The following CNTN4 variants were observed in gnomAD, a reference collection of about 807,000 sequenced individuals.
The protein encoded by CNTN4 is contactin 4, also known as contactin-4.
A neutral mutation model predicts 122.5 loss-of-function variants in CNTN4; 77 were observed. The observed-to-expected ratio is 0.63, with a 90% CI of 0.52 to 0.76. CNTN4 has a LOEUF of 0.76. CNTN4 is among the 30% of genes least tolerant of loss of function. CNTN4 has a pLI of 0.00. For missense variants in CNTN4, 1,256 were observed against 1,259.1 expected (o/e 1.00, Z 0.04); for synonymous variants, 512 against 447.0 (o/e 1.15, Z -1.83).
At chr3:2,639,593 AG>A (rs1412613442) in intron 4 of CNTN4, among the ~76,000 whole-genome samples, 5 of 152,222 alleles carry the variant, frequency 3.3e-5, no homozygotes, top group African/African-American at 1.2e-4. Flanking sequence ...AAATTCTTCA[AG>A]GGCATGCATC....
At chr3:3,046,680 A>G (rs1700695854) in intron 23 of CNTN4, among the ~76,000 whole-genome samples, 1 of 152,178 alleles carries the variant, frequency 6.6e-6, no homozygotes, top group Non-Finnish European at 1.5e-5. Flanking sequence ...AAACATGCCA[A>G]ATTGTAAAGA....
chr3:2,398,130 G>A (rs1277227380), intron 3 of CNTN4, among the ~76,000 whole-genome samples: 1 of 152,058 alleles, frequency 6.6e-6, no homozygotes, highest in Non-Finnish European at 1.5e-5. Flanking sequence ...TTAGGCCTGA[G>A]AGGCAAAGGT....
intron 2 of CNTN4, among the ~76,000 whole-genome samples, chr3:2,134,812 C>G (rs1292286773): frequency 6.6e-6 from 1 of 152,174 alleles, no homozygotes; most frequent in South Asian, 2.1e-4. Flanking sequence ...GGAGTTTTCT[C>G]TTACTCAGCT....
chr3:2,445,526 A>G (rs771591426), intron 3 of CNTN4, among the ~76,000 whole-genome samples: 1 of 152,164 alleles, frequency 6.6e-6, no homozygotes, highest in Non-Finnish European at 1.5e-5. Context: ...AACATTTTAT[A>G]TTGCTAAGTA....
At chr3:2,381,789 C>G (rs901336176) in intron 3 of CNTN4, among the ~76,000 whole-genome samples, 2 of 151,926 alleles carry the variant, frequency 1.3e-5, no homozygotes, top group African/African-American at 4.8e-5. Flanking sequence ...TAAAATATTG[C>G]ATATTTTAAA....
At chr3:3,004,992 C>G (rs1696472888) in intron 14 of CNTN4, among the ~76,000 whole-genome samples, 1 of 152,248 alleles carries the variant, frequency 6.6e-6, no homozygotes, top group African/African-American at 2.4e-5. Flanking sequence ...CTGATGATCT[C>G]TGAATCACCT....
intron 2 of CNTN4, among the ~76,000 whole-genome samples, chr3:2,274,277 G>A (rs568579086): frequency 6.6e-6 from 1 of 152,206 alleles, no homozygotes; most frequent in African/African-American, 2.4e-5. Context: ...CAGCTACTCG[G>A]GAGACTGAGG....
intron 23 of CNTN4, among the ~76,000 whole-genome samples, chr3:3,044,747 T>C (rs1700468182): frequency 6.6e-6 from 1 of 152,188 alleles, no homozygotes; most frequent in Non-Finnish European, 1.5e-5. Flanking sequence ...CAATGGGGCT[T>C]GTCGGACAGT....
rs1007352826 is a variant in CNTN4, at chr3:2,138,002, A to G, written c.-145+37363A>G. On this transcript the variant is annotated intron_variant, in intron 2 of 24. Transcript: ENST00000418658. ...AACCAAGCTGCAAAGAGGCTGGGAA[A>G]GTAAGTAGTCGGCTCTTTCAGCTTC... is the stretch of plus-strand genomic sequence containing the variant. Among the ~76,000 whole-genome samples, 7 of 152,280 alleles carry G rather than the reference A, an allele frequency of 4.6e-5. No individual in the cohort carries two copies. In the East Asian group the frequency reaches 1.4e-3, roughly 29 times the overall value.
At chr3:2,789,982 T>A (rs977979520) in intron 6 of CNTN4, among the ~76,000 whole-genome samples, 5 of 152,172 alleles carry the variant, frequency 3.3e-5, no homozygotes, top group Admixed American at 1.3e-4. Flanking sequence ...GAAGGTACAA[T>A]TAGTAATAAT....
In CNTN4 at chr3:3,038,925, T is replaced by G; in HGVS notation, c.2093-8T>G. The stretch of plus-strand genomic sequence containing the variant: ...CTGACATAACTTGTTTTTTGTCTCC[T>G]TGTGCAGTCCCCGAAGTCACACCAG... On this transcript the variant is annotated splice_polypyrimidine_tract_variant and splice_region_variant and intron_variant, in intron 18 of 24. Coordinates refer to ENST00000418658, the MANE Select transcript of CNTN4 (RefSeq NM_175607.3). 1 of 1,613,988 alleles carries G rather than the reference T, an allele frequency of 6.2e-7. No individual in the cohort carries two copies. Among genetic ancestry groups the G allele is most frequent in the East Asian group, 2.2e-5 (1 of 44,872 alleles).
At chr3:2,630,841 T>G (rs2082400923) in intron 4 of CNTN4, among the ~76,000 whole-genome samples, 1 of 152,158 alleles carries the variant, frequency 6.6e-6, no homozygotes, top group African/African-American at 2.4e-5. Flanking sequence ...ACAGAAGTCT[T>G]CTTAGCTTTA....
chr3:2,191,832 A>C (rs1449030121), intron 2 of CNTN4, among the ~76,000 whole-genome samples: 2 of 151,784 alleles, frequency 1.3e-5, no homozygotes, highest in Non-Finnish European at 2.9e-5. Context: ...TGCACCCATT[A>C]ACTTGTCATT....
rs193296489 is a variant in CNTN4 at position 2,721,026 on chromosome 3, G to C, written c.56-15189G>C. The stretch of plus-strand genomic sequence containing the variant: ...CTTGCTCTGTTGACCAGGCTGGAGT[G>C]CAGTGGCATGATCTCGGCTCACTGC... On this transcript the variant is annotated intron_variant, in intron 4 of 24. Coordinates refer to ENST00000418658, the MANE Select transcript of CNTN4 (RefSeq NM_175607.3). Among the ~76,000 whole-genome samples the C allele has an allele frequency of 8.9e-3, 1,353 of 152,280 alleles. 10 individuals are homozygous for C. The highest frequency in any genetic ancestry group is 0.031 in the African/African-American group (1,288 of 41,552).
chr3:2,675,736 T>A (rs1424124822), intron 4 of CNTN4, among the ~76,000 whole-genome samples: 2 of 152,144 alleles, frequency 1.3e-5, no homozygotes, highest in Non-Finnish European at 1.5e-5. Context: ...GGGACCCAGG[T>A]CTTGAGAGCA....
intron 2 of CNTN4, among the ~76,000 whole-genome samples, chr3:2,255,344 T>C (rs1202690962): frequency 6.6e-6 from 1 of 152,106 alleles, no homozygotes; most frequent in Non-Finnish European, 1.5e-5. Flanking sequence ...TGTGAGACTT[T>C]AACACCCCAC....
intron 3 of CNTN4, among the ~76,000 whole-genome samples, chr3:2,435,280 CAAGTCCCTTATATAAA>C (rs1243809822): frequency 6.6e-6 from 1 of 152,136 alleles, no homozygotes; most frequent in Non-Finnish European, 1.5e-5. Flanking sequence ...CATGGATGCT[CAAGTCCCTTATATAAA>C]ATGGCATAGT....
At chr3:2,890,185 G>T (rs1381215946) in intron 10 of CNTN4, among the ~76,000 whole-genome samples, 1 of 152,164 alleles carries the variant, frequency 6.6e-6, no homozygotes, top group Non-Finnish European at 1.5e-5. Flanking sequence ...TAGCACATCA[G>T]TGACAAAAAT....
chr3:2,781,295 C>A (rs1289408787), intron 6 of CNTN4, among the ~76,000 whole-genome samples: 1 of 152,082 alleles, frequency 6.6e-6, no homozygotes. Context: ...GGCCATCTTG[C>A]AGGTTTATCA....
Sources: allele counts gnomAD v4.1 joint callset (sites outside exome capture counted in the v4.1 genomes callset), GRCh38; gene constraint gnomAD v4.1.1; transcripts MANE v1.5; gene names NCBI Gene and HGNC (gene_info 2026-07-23, HGNC 2026-07-21).